The following RNF126 variants were observed in gnomAD, a reference collection of about 807,000 sequenced individuals.
RNF126 encodes E3 ubiquitin-protein ligase RNF126.
In RNF126, 20 loss-of-function variants were observed where a neutral mutation model predicts 41.9. The observed-to-expected ratio is 0.48, with a 90% CI of 0.34 to 0.69. The LOEUF (loss-of-function observed/expected upper bound fraction) is 0.69. Ranked by LOEUF, RNF126 falls within the 30% of genes least tolerant of loss-of-function variation. RNF126 has a pLI of 0.01. For missense variants in RNF126, 433 were observed against 460.6 expected, an observed-to-expected ratio of 0.94 and a Z score of 0.55; for synonymous variants, 239 against 202.9, an observed-to-expected ratio of 1.18 and a Z score of -1.51.
chr19:649,028 G>A (rs2030123144), intron 6 of RNF126, 53 bp from the exon 7 acceptor site: 16 of 894,412 alleles, frequency 1.8e-5, no homozygotes, highest in Non-Finnish European at 2.3e-5. Context: ...CCGGCCCGGG[G>A]CTCTGAAACG....
In RNF126 at chr19:648,231, G is replaced by T; in HGVS notation, c.833C>A (p.Thr278Lys). Reference sequence around the variant, plus strand: ...AGTGAGGCCAGGGGGGTTCGTGGCCGTGTTCTGTCCCGTGAGGCTTTTTCG... The same window carrying T: ...AGTGAGGCCAGGGGGGTTCGTGGCCTTGTTCTGTCCCGTGAGGCTTTTTCG... Reference protein sequence around the residue: ...VCRKSLTGQNTATNPPGLTGV... With the variant: ...VCRKSLTGQNKATNPPGLTGV... Residue 278 changes from threonine to lysine, a missense_variant, in exon 9 of 9, where the codon ACG becomes AAG. By Grantham distance (78) the Thr-to-Lys change is moderately conservative. This residue lies in a region of RNF126 where 63 missense variants were observed against 47.9 expected (regional missense o/e 1.32). Coordinates refer to ENST00000292363, the MANE Select transcript of RNF126 (RefSeq NM_194460.3). 6.3e-7 allele frequency: 1 copy of T among 1,596,152 alleles called. No individual in the cohort carries two copies. The highest frequency in any genetic ancestry group is 8.5e-7 in the Non-Finnish European group (1 of 1,171,670).
At chr19:651,955 G>T in intron 3 of RNF126, 100 bp from the exon 4 acceptor site, 2 of 1,148,806 alleles carry the variant, frequency 1.7e-6, no homozygotes, top group Non-Finnish European at 2.4e-6. Flanking sequence ...GACGGGCCCT[G>T]CTGGGTGCCG....
Position 659,590 on chromosome 19 carries a change from G to A in RNF126, c.75+3457C>T, listed in dbSNP as rs767188250. Reference sequence around the variant, plus strand: ...GGGCTCAGTGCCCTCAGCAGCTCTCGCCCACACCCTACAGTCACAGCTCCA... The same window carrying A: ...GGGCTCAGTGCCCTCAGCAGCTCTCACCCACACCCTACAGTCACAGCTCCA... On this transcript the variant is annotated intron_variant, in intron 1 of 8. Coordinates refer to ENST00000292363, the MANE Select transcript of RNF126 (RefSeq NM_194460.3). The surrounding 1 kb of genome is among the most constrained non-coding windows in gnomAD (Gnocchi z 4.9). 4.4e-4 allele frequency among the ~76,000 whole-genome samples: 67 copies of A among 152,038 alleles called. No individual in the cohort carries two copies. The highest frequency in any genetic ancestry group is 7.9e-4 in the Non-Finnish European group (54 of 67,994).
chr19:658,881 G>A (rs1002669774), intron 1 of RNF126, among the ~76,000 whole-genome samples: 3 of 152,210 alleles, frequency 2.0e-5, no homozygotes, highest in African/African-American at 7.2e-5. Flanking sequence ...CGGCTCGCCC[G>A]AGGCTCAGAG....
intron 1 of RNF126, among the ~76,000 whole-genome samples, chr19:658,282 G>C (rs1428200571): frequency 1.3e-5 from 2 of 152,070 alleles, no homozygotes; most frequent in Non-Finnish European, 2.9e-5. Flanking sequence ...GGGCCTGCAC[G>C]GGGCGCATGT....
At chr19:656,320 G>A (rs1380043634) in intron 1 of RNF126, among the ~76,000 whole-genome samples, 1 of 151,918 alleles carries the variant, frequency 6.6e-6, no homozygotes, top group African/African-American at 2.4e-5. Context: ...AACAGAGTGA[G>A]GCAGCATCTC....
At chr19:657,458 C>T (rs1038447916) in intron 1 of RNF126, among the ~76,000 whole-genome samples, 1 of 152,250 alleles carries the variant, frequency 6.6e-6, no homozygotes, top group African/African-American at 2.4e-5. Flanking sequence ...TCTTGGCCCC[C>T]GCTGTCCTGC....
intron 1 of RNF126, among the ~76,000 whole-genome samples, chr19:657,370 C>T (rs2030603475): frequency 6.6e-6 from 1 of 152,228 alleles, no homozygotes; most frequent in Non-Finnish European, 1.5e-5. Flanking sequence ...ACAACGCATG[C>T]TCCCGCCACC....
chr19:647,661 C>T lies in RNF126; in HGVS notation c.*467G>A, dbSNP rs973353929. 24 of 201,806 alleles carry T rather than the reference C, an allele frequency of 1.2e-4. No homozygotes were observed. Among genetic ancestry groups the T allele is most frequent in the Middle Eastern group, 2.2e-3 (1 of 456 alleles). 12.5% of individuals were successfully genotyped at this position (201,806 alleles called of 1,614,324 possible). ...GGTCCCGAGCCCCCCTACTCCGGGT[C>T]GTGGAGGCGGCCGAGGGGGAGGCTG... is the stretch of plus-strand genomic sequence containing the variant. On this transcript the variant is annotated 3_prime_UTR_variant, in exon 9 of 9. Coordinates refer to ENST00000292363, the MANE Select transcript of RNF126 (RefSeq NM_194460.3).
chr19:652,945 A>C, intron 1 of RNF126, 61 bp from the exon 2 acceptor site: 7 of 1,493,412 alleles, frequency 4.7e-6, no homozygotes, highest in Non-Finnish European at 6.5e-6. Context: ...AAACCCCCCC[A>C]AGTGTGAGGA....
chr19:651,869 G>T lies in RNF126; in HGVS notation c.199-14C>A. The T allele has an allele frequency of 1.2e-6, 2 of 1,600,176 alleles. No homozygotes were observed. The highest frequency in any genetic ancestry group is 1.7e-6 in the Non-Finnish European group (2 of 1,173,870). On this transcript the variant is annotated splice_polypyrimidine_tract_variant and intron_variant, in intron 3 of 8. Transcript: ENST00000292363. The stretch of plus-strand genomic sequence containing the variant: ...CTGGTCCACGTGCTGGGGAGAGGAG[G>T]GGGGCGTGACCTCGGGGGCTCAGGC...
chr19:657,471 G>A (rs902719829), intron 1 of RNF126, among the ~76,000 whole-genome samples: 4 of 152,222 alleles, frequency 2.6e-5, no homozygotes, highest in Non-Finnish European at 4.4e-5. Flanking sequence ...TGTCCTGCCC[G>A]CAGCGGCCGT....
chr19:652,331 C>T (rs777465199), intron 2 of RNF126, 35 bp from the exon 3 acceptor site: 6 of 1,522,104 alleles, frequency 3.9e-6, no homozygotes, highest in African/African-American at 1.4e-5. Context: ...GTGCCGGCTA[C>T]CCTGTGCCCC....
At chr19:652,332 C>G in intron 2 of RNF126, 36 bp from the exon 3 acceptor site, 2 of 1,523,106 alleles carry the variant, frequency 1.3e-6, no homozygotes, top group Non-Finnish European at 1.8e-6. Context: ...TGCCGGCTAC[C>G]CTGTGCCCCC....
In RNF126 at chr19:649,804, T is replaced by C. The variant is rs2030182987; in HGVS notation, c.507-56A>G. ...GACGGGCAGCTGGGGCAGGTGCGTC[T>C]ATCCACCCCACTCACCAGGGGCCCA... On this transcript the variant is annotated intron_variant, in intron 5 of 8. Transcript: ENST00000292363. The C allele has an allele frequency of 4.3e-6, 6 of 1,384,548 alleles. No individual in the cohort carries two copies. In the East Asian group the frequency reaches 1.5e-4, roughly 34 times the overall value. The allele number at this position is 1,384,548 out of a possible 1,614,324, so 85.8% of individuals were successfully genotyped here.
chr19:655,164 G>C (rs1297402323), intron 1 of RNF126, among the ~76,000 whole-genome samples: 1 of 151,930 alleles, frequency 6.6e-6, no homozygotes, highest in Admixed American at 6.6e-5. Flanking sequence ...AAATTAGCTG[G>C]GTATGCTGGG....
chr19:650,362 C>T, intron 4 of RNF126, 66 bp from the exon 5 acceptor site: 6 of 1,457,930 alleles, frequency 4.1e-6, no homozygotes, highest in Non-Finnish European at 4.7e-6. Flanking sequence ...CCAGGCCTGC[C>T]AGGTCCGTGG....
chr19:653,781 C>T lies in RNF126; in HGVS notation c.76-897G>A, dbSNP rs557505826. 3.3e-5 allele frequency among the ~76,000 whole-genome samples: 5 copies of T among 152,330 alleles called. No homozygotes were observed. The East Asian group carries it at 7.7e-4, about 24-fold the overall frequency. ...AGCTAAATCAACTGCTCTCTATGAA[C>T]GACCCAGTCTCAAGTGCTCCATCGC... On this transcript the variant is annotated intron_variant, in intron 1 of 8. Coordinates refer to ENST00000292363, the MANE Select transcript of RNF126 (RefSeq NM_194460.3).
intron 5 of RNF126, 84 bp from the exon 6 acceptor site, chr19:649,832 C>A: frequency 1.8e-6 from 2 of 1,138,578 alleles, no homozygotes; most frequent in South Asian, 1.3e-5. Flanking sequence ...GGGGCCCAGG[C>A]TGGGGATGGG....
Sources: allele counts gnomAD v4.1 joint callset (sites outside exome capture counted in the v4.1 genomes callset), GRCh38; gene constraint gnomAD v4.1.1; regional missense constraint gnomAD v4.1.1; non-coding constraint Gnocchi (gnomAD v3.1); transcripts MANE v1.5; gene names NCBI Gene and HGNC (gene_info 2026-07-23, HGNC 2026-07-21).